Variants in PTPRB observed in about 807,000 individuals in gnomAD.
PTPRB encodes the protein receptor-type tyrosine-protein phosphatase beta.
PTPRB carries 97 observed loss-of-function variants against 238.1 expected under a neutral mutation model. The observed-to-expected ratio is 0.41, with a 90% CI of 0.35 to 0.48. The LOEUF (loss-of-function observed/expected upper bound fraction) is 0.48, where lower values mean the gene tolerates loss of function less well. Among genes scored for constraint, PTPRB ranks in the 20% least tolerant of loss-of-function variants. The pLI is 0.30. For synonymous variants in PTPRB, 970 were observed against 995.4 expected (o/e 0.97, Z 0.48); for missense variants, 2,292 against 2,681.9 (o/e 0.85, Z 3.21).
At chr12:70,551,760 T>C (rs2567136) in intron 21 of PTPRB, among the ~76,000 whole-genome samples, 145,113 of 152,210 alleles carry the variant, frequency 0.95, 69,199 homozygotes, top group East Asian at 1. Context: ...ATATCCAAGA[T>C]GGTAGCCTAG....
At chr12:70,571,595 G>GA (rs1427017638) in intron 12 of PTPRB, among the ~76,000 whole-genome samples, 2 of 152,296 alleles carry the variant, frequency 1.3e-5, no homozygotes, top group East Asian at 3.9e-4. Context: ...AGATAGGGAA[G>GA]AAAAATGGGA....
intron 23 of PTPRB, chr12:70,540,619 TAAAG>T (rs2136254554): frequency 2.3e-6 from 1 of 437,724 alleles, no homozygotes; most frequent in African/African-American, 2.0e-5. Flanking sequence ...CATCTTTAAA[TAAAG>T]CTATAGATGG....
chr12:70,627,891 G>A (rs376084284), intron 2 of PTPRB, among the ~76,000 whole-genome samples: 88 of 152,190 alleles, frequency 5.8e-4, no homozygotes, highest in African/African-American at 1.9e-3. Flanking sequence ...CAAGCTCTTC[G>A]TATTCACAAG....
intron 11 of PTPRB, among the ~76,000 whole-genome samples, chr12:70,574,147 T>C (rs866434104): frequency 1.5e-4 from 23 of 152,318 alleles, no homozygotes; most frequent in African/African-American, 5.5e-4. Context: ...ATTTGGTATA[T>C]ATTAGGGGTT....
rs531100239 is a variant in PTPRB, at chr12:70,627,946, T to C, written c.452-5300A>G. 2.6e-5 allele frequency among the ~76,000 whole-genome samples: 4 copies of C among 152,298 alleles called. No homozygotes were observed. The South Asian group carries it at 8.3e-4, about 32-fold the overall frequency. On this transcript the variant is annotated intron_variant, in intron 2 of 33. Coordinates refer to ENST00000334414, the MANE Select transcript of PTPRB (RefSeq NM_001109754.4). ...AGCCAACAACTTCTACGAAAACTTT[T>C]TTCCCAAGGGTGTATATGATTGCTT...
chr12:70,559,109 AC>A (rs1203715734), intron 18 of PTPRB: 2 of 599,080 alleles, frequency 3.3e-6, no homozygotes, highest in Non-Finnish European at 5.9e-6. Context: ...ATGTCTATTT[AC>A]AAATAGTACG....
At chr12:70,597,935 C>T (rs1305337155) in intron 4 of PTPRB, among the ~76,000 whole-genome samples, 2 of 152,096 alleles carry the variant, frequency 1.3e-5, no homozygotes, top group African/African-American at 4.8e-5. Flanking sequence ...ATGATTTATG[C>T]TAAGTACATC....
At chr12:70,578,471 T>C (rs1385882129) in intron 10 of PTPRB, among the ~76,000 whole-genome samples, 1 of 152,158 alleles carries the variant, frequency 6.6e-6, no homozygotes, top group Non-Finnish European at 1.5e-5. Flanking sequence ...ACTCTTCATA[T>C]GTTTGAGTAA....
chr12:70,544,715 G>A (rs1012347195), intron 21 of PTPRB, 52 bp from the exon 22 acceptor site: 8 of 1,236,322 alleles, frequency 6.5e-6, no homozygotes, highest in Non-Finnish European at 8.9e-6. Flanking sequence ...GAACACAGTA[G>A]CTGAAAAATG....
At chr12:70,546,843 A>G (rs986270374) in intron 21 of PTPRB, among the ~76,000 whole-genome samples, 1 of 152,138 alleles carries the variant, frequency 6.6e-6, no homozygotes, top group Non-Finnish European at 1.5e-5. Context: ...GGGAAGCTGG[A>G]GGAGGGCATC....
intron 32 of PTPRB, among the ~76,000 whole-genome samples, chr12:70,529,233 A>G (rs1872824930): frequency 6.6e-6 from 1 of 152,160 alleles, no homozygotes; most frequent in Admixed American, 6.5e-5. Context: ...AAGGAGGAAG[A>G]GGAACATTGT....
intron 4 of PTPRB, among the ~76,000 whole-genome samples, chr12:70,606,199 C>G (rs1033268614): frequency 2.6e-5 from 4 of 152,182 alleles, no homozygotes; most frequent in Admixed American, 2.6e-4. Flanking sequence ...GGTCAGGAAC[C>G]ACTTTTTGTT....
At chr12:70,526,827 T>C (rs1036734183) in intron 32 of PTPRB, among the ~76,000 whole-genome samples, 6 of 152,228 alleles carry the variant, frequency 3.9e-5, no homozygotes, top group African/African-American at 1.4e-4. Context: ...GAATGAACTC[T>C]AGTGCATCTG....
intron 4 of PTPRB, 28 bp from the exon 5 acceptor site, chr12:70,596,355 A>AC (rs1555234327): frequency 0.33 from 300,429 of 906,566 alleles, 6,870 homozygotes; most frequent in Non-Finnish European, 0.36. Flanking sequence ...ACACACACAC[A>AC]AAAAAAAAAA....
intron 2 of PTPRB, among the ~76,000 whole-genome samples, chr12:70,631,478 A>G (rs997049924): frequency 6.6e-6 from 1 of 152,212 alleles, no homozygotes; most frequent in African/African-American, 2.4e-5. Flanking sequence ...TAAAAACCCT[A>G]GAAGAAAACC....
intron 2 of PTPRB, among the ~76,000 whole-genome samples, chr12:70,626,381 G>T (rs941374593): frequency 2.1e-5 from 3 of 144,284 alleles, no homozygotes; most frequent in Non-Finnish European, 4.5e-5. Flanking sequence ...CTGCCTGCCT[G>T]CCTGCCTGCC....
Position 70,592,496 on chromosome 12 carries a change from G to A in PTPRB, c.1566C>T (p.Thr522=). Residue 522 remains threonine (T), a synonymous_variant, in exon 7 of 34, where the codon ACC becomes ACT. Coordinates refer to ENST00000334414, the MANE Select transcript of PTPRB (RefSeq NM_001109754.4). The stretch of plus-strand genomic sequence containing the variant: ...GTCTTTGCCATTTGACTTTTAGAGA[G>A]GTCAAACTGCCATCATTTGTCACCT... ...NLKVTNDGSL[T]SLKVKWQRPP... The A allele has an allele frequency of 1.2e-6, 2 of 1,613,696 alleles. No homozygotes were observed. The highest frequency in any genetic ancestry group is 1.7e-6 in the Non-Finnish European group (2 of 1,179,712).
chr12:70,584,954 A>G (rs1430702388), intron 9 of PTPRB: 1 of 148,790 alleles, frequency 6.7e-6, no homozygotes. Context: ...CATTGAAAAA[A>G]GAAATTTCTT....
intron 32 of PTPRB, among the ~76,000 whole-genome samples, chr12:70,529,158 G>A (rs3910125): frequency 0.38 from 57,010 of 151,946 alleles, 11,231 homozygotes; most frequent in East Asian, 0.53. Context: ...ATGCCACAGT[G>A]TCCTCAGTGA....
Sources: allele counts gnomAD v4.1 joint callset (sites outside exome capture counted in the v4.1 genomes callset), GRCh38; gene constraint gnomAD v4.1.1; transcripts MANE v1.5; gene names NCBI Gene and HGNC (gene_info 2026-07-23, HGNC 2026-07-21).